Variants in MPRIP observed in about 807,000 individuals in gnomAD.
The protein encoded by MPRIP is myosin phosphatase Rho-interacting protein.
In MPRIP, 59 loss-of-function variants were observed where a neutral mutation model predicts 234.9. That is an observed-to-expected ratio of 0.25 (90% CI 0.20 to 0.31). The LOEUF is 0.31. MPRIP is among the 10% of genes least tolerant of loss of function. The pLI is 1.00. For missense variants in MPRIP, 2,436 were observed against 3,071.0 expected, an observed-to-expected ratio of 0.79 and a Z score of 4.89; for synonymous variants, 1,144 against 1,263.9, an observed-to-expected ratio of 0.91 and a Z score of 2.01.
chr17:17,073,235 G>C (rs2089243133), intron 1 of MPRIP, among the ~76,000 whole-genome samples: 1 of 152,108 alleles, frequency 6.6e-6, no homozygotes, highest in Non-Finnish European at 1.5e-5. Context: ...TCTGCTCTGT[G>C]TCTGCGCCGC....
intron 3 of MPRIP, among the ~76,000 whole-genome samples, chr17:17,112,900 A>T (rs989506254): frequency 2.0e-5 from 3 of 152,138 alleles, no homozygotes; most frequent in Admixed American, 2.0e-4. Context: ...GACACAGCCA[A>T]CTCACTCTGT....
intron 7 of MPRIP, among the ~76,000 whole-genome samples, chr17:17,140,064 C>T (rs1249012672): frequency 6.6e-6 from 1 of 152,180 alleles, no homozygotes; most frequent in Non-Finnish European, 1.5e-5. Flanking sequence ...GCCAAGGATG[C>T]TCTTTTAAGC....
chr17:17,050,882 A>G (rs551128073), intron 1 of MPRIP, among the ~76,000 whole-genome samples: 3 of 152,278 alleles, frequency 2.0e-5, no homozygotes, highest in Admixed American at 6.5e-5. Context: ...TGGACGTGCA[A>G]TGTTCCAGTA....
intron 3 of MPRIP, among the ~76,000 whole-genome samples, chr17:17,089,503 T>G (rs1054852529): frequency 1.1e-4 from 16 of 152,212 alleles, no homozygotes; most frequent in Non-Finnish European, 1.8e-4. Context: ...GGTTTTTTTT[T>G]GTCACCTATC....
Position 17,078,271 on chromosome 17 carries a change from A to G in MPRIP, c.267+195A>G, listed in dbSNP as rs1309033963. On this transcript the variant is annotated intron_variant, in intron 3 of 23. Transcript: ENST00000651222. The surrounding 1 kb of genome is among the most constrained non-coding windows in gnomAD (Gnocchi z 4.3). ...AAAACCCAGACCTTTGGTTTGAAACATCATCTTCTGTGGTCTTGAGTGAGA... is the reference window on the plus strand; with the variant it reads ...AAAACCCAGACCTTTGGTTTGAAACGTCATCTTCTGTGGTCTTGAGTGAGA... Among the ~76,000 whole-genome samples, 1 of 152,150 alleles carries G rather than the reference A, an allele frequency of 6.6e-6. No individual in the cohort carries two copies. Among genetic ancestry groups the G allele is most frequent in the Non-Finnish European group, 1.5e-5 (1 of 68,022 alleles).
At chr17:17,105,223 C>T (rs949763793) in intron 3 of MPRIP, among the ~76,000 whole-genome samples, 4 of 152,204 alleles carry the variant, frequency 2.6e-5, no homozygotes, top group Admixed American at 6.5e-5. Context: ...CACCCACCCT[C>T]GTGGTGGGGC....
At chr17:17,180,932 A>G (rs1419650133) in intron 23 of MPRIP, among the ~76,000 whole-genome samples, 1 of 152,220 alleles carries the variant, frequency 6.6e-6, no homozygotes, top group East Asian at 1.9e-4. Context: ...ATCTGTGCAC[A>G]ACGGCTGAAC....
intron 13 of MPRIP, among the ~76,000 whole-genome samples, chr17:17,157,578 T>C (rs1397086413): frequency 6.6e-6 from 1 of 152,174 alleles, no homozygotes; most frequent in Non-Finnish European, 1.5e-5. Flanking sequence ...CTCACGCCTG[T>C]AATCCCAGCA....
rs9904899 is a variant in MPRIP at position 17,176,822 on chromosome 17, G to A, written c.6957+310G>A. On this transcript the variant is annotated intron_variant, in intron 21 of 23. Coordinates refer to ENST00000651222, the MANE Select transcript of MPRIP (RefSeq NM_001364716.4). ...GCAAGGCTTGACTTCCATTTGAGCCGCCCCCTGGCTTCCACCAGCCTCCTC... is the reference window on the plus strand; with the variant it reads ...GCAAGGCTTGACTTCCATTTGAGCCACCCCCTGGCTTCCACCAGCCTCCTC... Among the ~76,000 whole-genome samples, 752 of 152,264 alleles carry A rather than the reference G, an allele frequency of 4.9e-3. 3 individuals are homozygous for A. The highest frequency in any genetic ancestry group is 0.017 in the African/African-American group (712 of 41,548).
rs61731612 is a variant in MPRIP at position 17,158,529 on chromosome 17, G to A, written c.1927G>A (p.Glu643Lys). Residue 643 changes from glutamate to lysine, a missense_variant, in exon 14 of 24, where the codon GAG becomes AAG. By Grantham distance (56) the Glu-to-Lys change is moderately conservative (BLOSUM62 1). Coordinates refer to ENST00000651222, the MANE Select transcript of MPRIP (RefSeq NM_001364716.4). ...GGCAGAGCTGGGGGAGCCGGACCCT[G>A]AGCAGAAGAGGAGCCGCGCACGGGA... ...QEAELGEPDP[E>K]QKRSRARERR... is the part of the protein sequence containing the mutation. 8.3e-5 allele frequency: 133 copies of A among 1,611,754 alleles called. No homozygotes were observed. Among genetic ancestry groups the A allele is most frequent in the Non-Finnish European group, 1.1e-4 (129 of 1,179,934 alleles).
In MPRIP at chr17:17,140,441, T is replaced by C. The variant is rs540415481; in HGVS notation, c.1250+2012T>C. On this transcript the variant is annotated intron_variant, in intron 7 of 23. Coordinates refer to ENST00000651222, the MANE Select transcript of MPRIP (RefSeq NM_001364716.4). ...CTGCAGCATCCCTTTCTCCTGACCC[T>C]GGTGACATCTGATTGGCTGCTGTCG... Among the ~76,000 whole-genome samples the C allele has an allele frequency of 1.6e-4, 25 of 152,318 alleles. 1 individual carries two copies. The East Asian group carries it at 2.1e-3, about 13-fold the overall frequency.
intron 1 of MPRIP, among the ~76,000 whole-genome samples, chr17:17,049,685 A>G (rs549772074): frequency 1.6e-4 from 25 of 152,324 alleles, no homozygotes; most frequent in African/African-American, 5.8e-4. Context: ...TAGGTTTTGC[A>G]GGCCAACAGG....
intron 13 of MPRIP, among the ~76,000 whole-genome samples, chr17:17,155,030 AAAAG>A (rs2144578045): frequency 6.6e-6 from 1 of 152,230 alleles, no homozygotes; most frequent in South Asian, 2.1e-4. Flanking sequence ...ACAAAACAAA[AAAAG>A]CAGAGAAGAT....
rs1288019221 is a variant in MPRIP, at chr17:17,164,429, G to A, written c.2838G>A (p.Ala946=). The A allele has an allele frequency of 5.5e-6, 7 of 1,266,742 alleles. No homozygotes were observed. Among genetic ancestry groups the A allele is most frequent in the Admixed American group, 2.4e-5 (1 of 41,170 alleles). 78.5% of individuals were successfully genotyped at this position (1,266,742 alleles called of 1,614,324 possible). Residue 946 remains alanine, a synonymous_variant, in exon 16 of 24, where the codon GCG becomes GCA. Coordinates refer to ENST00000651222, the MANE Select transcript of MPRIP (RefSeq NM_001364716.4). ...EQLEERQHSE[A]ALSSQLRASE... is the part of the protein sequence containing the mutation. ...TGGAGGAGCGGCAACACAGCGAGGC[G>A]GCGCTGAGCAGCCAGCTGAGGGCTA...
At chr17:17,131,529 T>C (rs2090596286) in intron 4 of MPRIP, 88 bp from the exon 5 acceptor site, 3 of 1,100,664 alleles carry the variant, frequency 2.7e-6, no homozygotes, top group Non-Finnish European at 2.8e-6. Context: ...TGCCCTGCTC[T>C]ACTCCTGGAC....
chr17:17,176,648 A>C, intron 21 of MPRIP, 136 bp downstream of exon 21: 1 of 698,874 alleles, frequency 1.4e-6, no homozygotes, highest in Non-Finnish European at 2.4e-6. Flanking sequence ...GGTTTCCAAA[A>C]TCAAGCCCTC....
chr17:17,123,795 T>G (rs1006182841), intron 3 of MPRIP, among the ~76,000 whole-genome samples: 1 of 152,138 alleles, frequency 6.6e-6, no homozygotes, highest in Non-Finnish European at 1.5e-5. Flanking sequence ...GCAGGAAGTT[T>G]TTTTTCCCTC....
chr17:17,094,092 C>G (rs927254381), intron 3 of MPRIP, among the ~76,000 whole-genome samples: 1 of 152,122 alleles, frequency 6.6e-6, no homozygotes, highest in Non-Finnish European at 1.5e-5. Context: ...TCTCCCCCAC[C>G]TGTTTTTTTG....
intron 1 of MPRIP, among the ~76,000 whole-genome samples, chr17:17,066,777 T>G (rs12602839): frequency 0.14 from 15,492 of 112,894 alleles, 1,941 homozygotes; most frequent in African/African-American, 0.29. Context: ...TTTGAGACAG[T>G]GTCTTGCCCT....
Sources: allele counts gnomAD v4.1 joint callset (sites outside exome capture counted in the v4.1 genomes callset), GRCh38; gene constraint gnomAD v4.1.1; non-coding constraint Gnocchi (gnomAD v3.1); transcripts MANE v1.5; gene names NCBI Gene and HGNC (gene_info 2026-07-23, HGNC 2026-07-21).